The following GGT1 variants were observed in gnomAD, a reference collection of about 807,000 sequenced individuals.
GGT1 encodes the protein gamma-glutamyltransferase 1.
A neutral mutation model predicts 56.0 loss-of-function variants in GGT1; 21 were observed. The observed-to-expected ratio is 0.38, with a 90% CI of 0.27 to 0.54. GGT1 has a LOEUF of 0.54. GGT1 is among the 20% of genes least tolerant of loss of function. The pLI is 0.82. For synonymous variants in GGT1, 238 were observed against 342.6 expected (o/e 0.69, Z 3.37); for missense variants, 466 against 787.0 (o/e 0.59, Z 4.88).
chr22:24,620,825 G>C lies in GGT1; in HGVS notation c.576-88G>C. 6.4e-7 allele frequency: 1 copy of C among 1,550,916 alleles called. No individual in the cohort carries two copies. The highest frequency in any genetic ancestry group is 8.7e-7 in the Non-Finnish European group (1 of 1,146,650). ...CTGTGACAGGCGCTGCCCCTGTTCT[G>C]CTCCGTTCTCCTGTGTGGACGGGTG... On this transcript the variant is annotated intron_variant, in intron 8 of 15. Transcript: ENST00000400382. This position sits in a 1 kb window ranked among gnomAD's most constrained non-coding sequence, Gnocchi z 5.6.
At chr22:24,592,839 G>A, upstream of GGT1, 1 of 1,276,694 alleles carries the variant, frequency 7.8e-7, no homozygotes, top group East Asian at 3.2e-5. Flanking sequence ...CGCCAGCCCA[G>A]GGGCGGACGG....
chr22:24,618,911 G>T lies in GGT1; in HGVS notation c.383-1417G>T, dbSNP rs568495888. Among the ~76,000 whole-genome samples, 139 of 152,256 alleles carry T rather than the reference G, an allele frequency of 9.1e-4. 2 individuals carry two copies. The highest frequency in any genetic ancestry group is 1.5e-3 in the Non-Finnish European group (100 of 68,016). The stretch of plus-strand genomic sequence containing the variant: ...TGTCCTTATGGGCAGCGGGGCTCAG[G>T]GGGGAAGCAGGCCCAGGGGTGTGTT... On this transcript the variant is annotated intron_variant, in intron 7 of 15. Transcript: ENST00000400382.
intron 7 of GGT1, among the ~76,000 whole-genome samples, chr22:24,618,330 C>T (rs1169755368): frequency 6.6e-6 from 1 of 152,232 alleles, no homozygotes; most frequent in Admixed American, 6.5e-5. Context: ...GTGGCTCACA[C>T]CTGTCATCCC....
the GGT1 span, chr22:24,588,623 C>T: frequency 2.7e-5 from 29 of 1,055,426 alleles, no homozygotes; most frequent in East Asian, 6.5e-4. Context: ...CCAGGGCCAG[C>T]GTCTCGGGCT....
chr22:24,624,538 T>C (rs2047632291), intron 11 of GGT1: 21 of 972,208 alleles, frequency 2.2e-5, no homozygotes, highest in Admixed American at 6.2e-5. Flanking sequence ...GTCTTCTCTT[T>C]CCCCGTGAGC....
intron 4 of GGT1, 51 bp from the exon 5 acceptor site, chr22:24,611,024 A>G (rs1265442445): frequency 7.6e-5 from 117 of 1,545,584 alleles, no homozygotes; most frequent in Non-Finnish European, 9.7e-5. Context: ...GGGAGGGGCC[A>G]GGGAATGTCT....
chr22:24,591,912 C>T (rs2045578460), upstream of GGT1, among the ~76,000 whole-genome samples: 1 of 152,246 alleles, frequency 6.6e-6, no homozygotes, highest in Non-Finnish European at 1.5e-5. Flanking sequence ...CCTGCTGAAT[C>T]CAGAGTTGGA....
At chr22:24,585,857 C>A in the GGT1 span, 1 of 1,536,852 alleles carries the variant, frequency 6.5e-7, no homozygotes, top group South Asian at 1.2e-5. Context: ...CATCACAAGT[C>A]AGTAGCAATG....
intron 11 of GGT1, among the ~76,000 whole-genome samples, chr22:24,626,574 C>T (rs1306360442): frequency 6.6e-6 from 1 of 151,856 alleles, no homozygotes; most frequent in Non-Finnish European, 1.5e-5. Context: ...CCTGACCATC[C>T]CCAAACCTGC....
At chr22:24,584,681 C>G in the GGT1 span, among the ~76,000 whole-genome samples, 1 of 151,966 alleles carries the variant, frequency 6.6e-6, no homozygotes, top group Admixed American at 6.6e-5. Context: ...AGCCTTGGAG[C>G]CCCCCTCTGC....
the GGT1 span, among the ~76,000 whole-genome samples, chr22:24,587,270 G>A: frequency 2.6e-5 from 4 of 152,324 alleles, no homozygotes; most frequent in Non-Finnish European, 4.4e-5. Context: ...GTGCAGGCTG[G>A]GGGCCGGCCA....
intron 5 of GGT1, among the ~76,000 whole-genome samples, chr22:24,611,539 CTATCATCTATCTATCTATCT>C (rs1236374151): frequency 0.029 from 3,683 of 129,004 alleles, 57 homozygotes; most frequent in Middle Eastern, 0.053. Flanking sequence ...ATCTATCTAT[CTATCATCTATCTATCTATCT>C]ATCTATCTAT....
chr22:24,616,494 G>T (rs1488673677), intron 7 of GGT1, among the ~76,000 whole-genome samples: 1 of 150,974 alleles, frequency 6.6e-6, no homozygotes, highest in East Asian at 1.9e-4. Flanking sequence ...GGGGTCCTGG[G>T]TGGTGCCCTT....
Position 24,620,332 on chromosome 22 carries a change from G to C in GGT1, c.387G>C (p.Gly129=). ...ACTATGGCTCTCTCTCCCCAGGGGG[G>C]CTGTCGGTGGCGGTGCCTGGGGAGA... The part of the protein sequence containing the change: ...FNSSEQSQKG[G]LSVAVPGEIR... Residue 129 remains glycine (G), a synonymous_variant, in exon 8 of 16, where the codon GGG becomes GGC. Transcript: ENST00000400382. This position sits in a 1 kb window ranked among gnomAD's most constrained non-coding sequence, Gnocchi z 5.6. The C allele has an allele frequency of 3.1e-6, 5 of 1,611,654 alleles. No homozygotes were observed. Among genetic ancestry groups the C allele is most frequent in the South Asian group, 1.1e-5 (1 of 90,954 alleles).
At chr22:24,599,848 A>G (rs6004196), upstream of GGT1, among the ~76,000 whole-genome samples, 27 of 152,344 alleles carry the variant, frequency 1.8e-4, no homozygotes, top group East Asian at 5.8e-4. Flanking sequence ...AGAGCATGGC[A>G]TGCGTGGAAA....
At chr22:24,602,312 GGT>G (rs2147202926), upstream of GGT1, among the ~76,000 whole-genome samples, 1 of 152,312 alleles carries the variant, frequency 6.6e-6, no homozygotes, top group East Asian at 1.9e-4. Context: ...TTCCCCCTGG[GGT>G]GACCATACTC....
intron 1 of GGT1, among the ~76,000 whole-genome samples, chr22:24,606,372 G>C (rs1364647741): frequency 6.6e-6 from 1 of 151,826 alleles, no homozygotes; most frequent in Non-Finnish European, 1.5e-5. Context: ...CAACCTATGA[G>C]TGAGAACATG....
rs1336682503 is a variant in GGT1, at chr22:24,625,556, T to C, written c.1020+1640T>C. 2.0e-5 allele frequency among the ~76,000 whole-genome samples: 3 copies of C among 152,068 alleles called. No homozygotes were observed. In the East Asian group the frequency reaches 5.8e-4, roughly 29 times the overall value. On this transcript the variant is annotated intron_variant, in intron 11 of 15. Transcript: ENST00000400382. ...GCTGGGATTACAGGTGTGTTTTTTT[T>C]TTTGAGACAGAGTCTCGCTCTGTTG...
chr22:24,602,591 T>G (rs2045801888), upstream of GGT1, among the ~76,000 whole-genome samples: 1 of 152,166 alleles, frequency 6.6e-6, no homozygotes, highest in Non-Finnish European at 1.5e-5. Flanking sequence ...CTCATCCCCC[T>G]GCTTCCGTTG....
Sources: gnomAD v4.1 joint callset for allele counts (sites outside exome capture counted in the v4.1 genomes callset) on GRCh38, gnomAD v4.1.1 for gene constraint, Gnocchi (gnomAD v3.1) non-coding constraint, MANE v1.5 for transcripts, NCBI Gene and HGNC (gene_info 2026-07-23, HGNC 2026-07-21) for gene names.